Variants in FLNB observed in about 807,000 individuals in gnomAD.
FLNB encodes filamin-B.
FLNB carries 111 observed loss-of-function variants against 250.6 expected under a neutral mutation model. That is an observed-to-expected ratio of 0.44 (90% confidence interval 0.38 to 0.52). The LOEUF (loss-of-function observed/expected upper bound fraction) is 0.52. FLNB is among the 20% of genes least tolerant of loss of function. The pLI, the probability that FLNB is intolerant of heterozygous loss-of-function variation, is 0.00. For synonymous variants in FLNB, 1,302 were observed against 1,372.1 expected, an observed-to-expected ratio of 0.95 and a Z score of 1.13; for missense variants, 2,869 against 3,447.8, an observed-to-expected ratio of 0.83 and a Z score of 4.20.
intron 1 of FLNB, among the ~76,000 whole-genome samples, chr3:58,069,731 G>T (rs568709912): frequency 2.6e-5 from 4 of 152,176 alleles, no homozygotes; most frequent in Non-Finnish European, 5.9e-5. Context: ...TCGCTGCAGC[G>T]TTAGGGGTCA....
intron 8 of FLNB, 105 bp from the exon 9 acceptor site, chr3:58,102,098 G>A (rs1316783187): frequency 2.2e-6 from 3 of 1,355,932 alleles, no homozygotes; most frequent in Non-Finnish European, 3.1e-6. Context: ...CATACTATTT[G>A]TGCAAAGCAA....
intron 18 of FLNB, among the ~76,000 whole-genome samples, chr3:58,115,983 T>C (rs1473295016): frequency 6.6e-6 from 1 of 152,116 alleles, no homozygotes; most frequent in African/African-American, 2.4e-5. Flanking sequence ...TTAGATTGAA[T>C]TTCCTTCCCA....
intron 25 of FLNB, chr3:58,131,945 A>G: frequency 6.5e-7 from 1 of 1,537,110 alleles, no homozygotes; most frequent in Non-Finnish European, 8.7e-7. Context: ...ACGGATTCCC[A>G]GTCATGGCGC....
At chr3:58,064,941 G>A (rs991382844) in intron 1 of FLNB, among the ~76,000 whole-genome samples, 9 of 152,182 alleles carry the variant, frequency 5.9e-5, no homozygotes, top group African/African-American at 1.2e-4. Flanking sequence ...TTAGAAAGCT[G>A]AGGTAGGAGG....
At chr3:58,118,767 A>G (rs1576750268) in intron 18 of FLNB, 105 bp from the exon 19 acceptor site, 3 of 835,212 alleles carry the variant, frequency 3.6e-6, no homozygotes, top group East Asian at 2.4e-5. Flanking sequence ...ATTGGAATCA[A>G]GTCTCCCCTG....
At chr3:58,163,808 T>C in intron 43 of FLNB, 1 of 163,668 alleles carries the variant, frequency 6.1e-6, no homozygotes, top group Non-Finnish European at 1.3e-5. Flanking sequence ...CAGATCTTAA[T>C]GGAGGAGGAG....
chr3:58,054,779 C>A (rs1178758384), intron 1 of FLNB, among the ~76,000 whole-genome samples: 1 of 152,098 alleles, frequency 6.6e-6, no homozygotes, highest in Non-Finnish European at 1.5e-5. Flanking sequence ...TGTTACACAC[C>A]ACAGTGGTGC....
At chr3:58,102,086 T>C in intron 8 of FLNB, 117 bp from the exon 9 acceptor site, 3 of 1,159,386 alleles carry the variant, frequency 2.6e-6, no homozygotes, top group Non-Finnish European at 2.6e-6. Context: ...GGGCAACTAC[T>C]GCATACTATT....
intron 1 of FLNB, among the ~76,000 whole-genome samples, chr3:58,014,283 T>C (rs972730969): frequency 1.3e-5 from 2 of 152,126 alleles, no homozygotes; most frequent in Admixed American, 6.6e-5. Flanking sequence ...GCCTAGAGGG[T>C]GTCACCTCCT....
At chr3:58,109,059 T>A in intron 13 of FLNB, 120 bp from the exon 14 acceptor site, 1 of 1,108,940 alleles carries the variant, frequency 9.0e-7, no homozygotes, top group Non-Finnish European at 1.4e-6. Flanking sequence ...TTGTAGTTGG[T>A]CCATGAAGTT....
chr3:58,131,015 T>C (rs2097306480), intron 25 of FLNB, 107 bp downstream of exon 25: 1 of 1,060,628 alleles, frequency 9.4e-7, no homozygotes, highest in Non-Finnish European at 1.4e-6. Flanking sequence ...AGCTTAAAAT[T>C]AAATTAAAAA....
chr3:58,128,209 C>G (rs1309206339), intron 24 of FLNB, among the ~76,000 whole-genome samples: 1 of 152,150 alleles, frequency 6.6e-6, no homozygotes, highest in Non-Finnish European at 1.5e-5. Context: ...ACACGCTTTC[C>G]TGATTCCATT....
intron 1 of FLNB, among the ~76,000 whole-genome samples, chr3:58,075,722 CA>C (rs2097200798): frequency 2.0e-5 from 3 of 152,148 alleles, no homozygotes; most frequent in Admixed American, 2.0e-4. Flanking sequence ...AAGGGTTTGC[CA>C]AAAGAGTTAG....
intron 17 of FLNB, 127 bp downstream of exon 17, chr3:58,112,008 C>A: frequency 1.7e-6 from 2 of 1,164,130 alleles, no homozygotes; most frequent in Non-Finnish European, 2.6e-6. Context: ...GTTTTCTGTG[C>A]AGCTCTGATG....
At chr3:58,112,039 C>A in intron 17 of FLNB, 110 bp from the exon 18 acceptor site, 1 of 1,225,562 alleles carries the variant, frequency 8.2e-7, no homozygotes, top group Non-Finnish European at 1.2e-6. Flanking sequence ...TGGCCAGGCC[C>A]GTTGCTGGCT....
intron 25 of FLNB, chr3:58,132,159 C>T (rs2097308533): frequency 1.6e-6 from 1 of 643,302 alleles, no homozygotes; most frequent in Admixed American, 2.7e-5. Flanking sequence ...TGGAGTTGAC[C>T]CATCCTTGAC....
intron 32 of FLNB, 146 bp from the exon 33 acceptor site, chr3:58,145,775 G>C: frequency 1.1e-6 from 1 of 898,284 alleles, no homozygotes; most frequent in Middle Eastern, 2.5e-4. Context: ...GATGGGAGGT[G>C]CATGTGCATC....
At chr3:58,121,140 G>C in intron 19 of FLNB, 101 bp from the exon 20 acceptor site, 2 of 1,491,198 alleles carry the variant, frequency 1.3e-6, no homozygotes, top group Admixed American at 1.7e-5. Flanking sequence ...TGGAGGCTGA[G>C]ATAAGTCCCC....
At position 58,170,690 on chromosome 3, in the gene FLNB, C is replaced by T. The variant is rs543564224; in HGVS notation, c.7737C>T (p.Gly2579=). 61 of 1,614,014 alleles carry T rather than the reference C, an allele frequency of 3.8e-5. No homozygotes were observed. In the South Asian group the frequency reaches 4.1e-4, roughly 11 times the overall value. The change falls in exon 46 of 46, where the codon GGC becomes GGT. Residue 2579 remains glycine, a synonymous_variant. Coordinates refer to ENST00000295956, the MANE Select transcript of FLNB (RefSeq NM_001457.4). ...YNVTYVVKER[G]DYVLAVKWGE... Reference sequence around the variant, plus strand: ...TCACATACGTCGTCAAGGAGAGGGGCGATTATGTGCTGGCTGTGAAGTGGG... The same window carrying T: ...TCACATACGTCGTCAAGGAGAGGGGTGATTATGTGCTGGCTGTGAAGTGGG...
Sources: gnomAD v4.1 joint callset for allele counts (sites outside exome capture counted in the v4.1 genomes callset) on GRCh38, gnomAD v4.1.1 for gene constraint, MANE v1.5 for transcripts, NCBI Gene and HGNC (gene_info 2026-07-23, HGNC 2026-07-21) for gene names.